Variants in CCSER2 observed in about 807,000 individuals in gnomAD.
CCSER2 encodes the protein serine-rich coiled-coil domain-containing protein 2.
A neutral mutation model predicts 92.3 loss-of-function variants in CCSER2; 46 were observed. That is an observed-to-expected ratio of 0.50 (90% CI 0.39 to 0.64). CCSER2 has a LOEUF of 0.64. Among genes scored for constraint, CCSER2 ranks in the 30% least tolerant of loss-of-function variants. The pLI is 0.00. For missense variants in CCSER2, 1,244 were observed against 1,238.9 expected (o/e 1.00, Z -0.06); for synonymous variants, 433 against 431.4 (o/e 1.00, Z -0.04).
chr10:84,491,082 C>T (rs775118481), intron 9 of CCSER2, among the ~76,000 whole-genome samples: 17 of 152,224 alleles, frequency 1.1e-4, no homozygotes, highest in African/African-American at 3.1e-4. Context: ...AATGTTTCTG[C>T]CTGATCATTC....
chr10:84,383,179 C>T (rs1163564482), intron 3 of CCSER2, among the ~76,000 whole-genome samples: 1 of 152,112 alleles, frequency 6.6e-6, no homozygotes, highest in Non-Finnish European at 1.5e-5. Context: ...ATTTGCCTTA[C>T]TTGGTTTTGA....
intron 3 of CCSER2, among the ~76,000 whole-genome samples, chr10:84,386,963 T>G (rs1841246514): frequency 6.6e-6 from 1 of 151,830 alleles, no homozygotes; most frequent in South Asian, 2.1e-4. Flanking sequence ...GGGATAAGAG[T>G]TGAAAAATTA....
At chr10:84,389,050 A>G (rs538566561) in intron 3 of CCSER2, 12 of 255,756 alleles carry the variant, frequency 4.7e-5, no homozygotes, top group South Asian at 4.5e-4. Context: ...TGAATGCATT[A>G]CTACCACCAA....
At chr10:84,391,580 T>A in intron 3 of CCSER2, 1 of 1,511,794 alleles carries the variant, frequency 6.6e-7, no homozygotes, top group Non-Finnish European at 9.2e-7. Flanking sequence ...TGGAGAAATC[T>A]CCATTCAAAT....
At chr10:84,449,405 G>A (rs1845131195) in intron 6 of CCSER2, among the ~76,000 whole-genome samples, 1 of 151,816 alleles carries the variant, frequency 6.6e-6, no homozygotes, top group African/African-American at 2.4e-5. Flanking sequence ...CAATTCCAAG[G>A]TGGAGTTTTG....
chr10:84,483,393 CAA>C (rs768732138), intron 9 of CCSER2, among the ~76,000 whole-genome samples: 31 of 74,352 alleles, frequency 4.2e-4, no homozygotes, highest in Non-Finnish European at 4.9e-4. Context: ...AACTCTGTCT[CAA>C]AAAAAAAAAA....
At position 84,370,756 on chromosome 10, in the gene CCSER2, T is replaced by C. The variant is rs1488730750; in HGVS notation, c.-39-258T>C. Among the ~76,000 whole-genome samples the C allele has an allele frequency of 2.0e-5, 3 of 152,234 alleles. No individual in the cohort carries two copies. In the East Asian group the frequency reaches 5.8e-4, roughly 29 times the overall value. Reference sequence around the variant, plus strand: ...TTATTTTTTACATAGTCAAATTTGGTGGTTTAATTTTATTTCTAGATTTTG... The same window carrying C: ...TTATTTTTTACATAGTCAAATTTGGCGGTTTAATTTTATTTCTAGATTTTG... On this transcript the variant is annotated intron_variant, in intron 1 of 9. Coordinates refer to ENST00000372088, the MANE Select transcript of CCSER2 (RefSeq NM_001284240.2).
intron 1 of CCSER2, among the ~76,000 whole-genome samples, chr10:84,368,427 T>C (rs1392455665): frequency 1.3e-5 from 2 of 152,060 alleles, no homozygotes; most frequent in African/African-American, 4.8e-5. Context: ...TATCTCTTAG[T>C]TGTTGGTAAC....
chr10:84,384,146 TAAA>T (rs1841062904), intron 3 of CCSER2, among the ~76,000 whole-genome samples: 1 of 151,814 alleles, frequency 6.6e-6, no homozygotes, highest in Non-Finnish European at 1.5e-5. Flanking sequence ...AACTACCAAC[TAAA>T]AAAAGCCCAG....
At position 84,424,916 on chromosome 10, in the gene CCSER2, G is replaced by A. The variant is rs527805521; in HGVS notation, c.1706-815G>A. The A allele has an allele frequency of 1.8e-5, 16 of 865,072 alleles. No homozygotes were observed. The East Asian group carries it at 6.0e-4, about 33-fold the overall frequency. 53.6% of individuals were successfully genotyped at this position (865,072 alleles called of 1,614,324 possible). On this transcript the variant is annotated intron_variant, in intron 4 of 9. Coordinates refer to ENST00000372088, the MANE Select transcript of CCSER2 (RefSeq NM_001284240.2). ...TCCCACAGGGAGGGCTGGGTTTTGA[G>A]CAGGAAGGAAGGCCTGTTCAGCAGT...
At position 84,515,356 on chromosome 10, in the gene CCSER2, A is replaced by T. The variant is rs891410407; in HGVS notation, c.*1089A>T. 2.4e-4 allele frequency: 36 copies of T among 152,530 alleles called. No individual in the cohort carries two copies. The highest frequency in any genetic ancestry group is 8.4e-4 in the African/African-American group (35 of 41,430). 9.4% of individuals were successfully genotyped at this position (152,530 alleles called of 1,614,324 possible). ...GAGAAAAATAACAAATTTAAATAAGACTATCTTGAGAAAGCTGGAGTTCAT... is the reference window on the plus strand; with the variant it reads ...GAGAAAAATAACAAATTTAAATAAGTCTATCTTGAGAAAGCTGGAGTTCAT... On this transcript the variant is annotated 3_prime_UTR_variant, in exon 10 of 10. Transcript: ENST00000372088.
chr10:84,427,185 G>A (rs964212562), intron 5 of CCSER2, among the ~76,000 whole-genome samples: 1 of 152,144 alleles, frequency 6.6e-6, no homozygotes, highest in Non-Finnish European at 1.5e-5. Flanking sequence ...ATTCTTAGGG[G>A]TTGCTAATTT....
chr10:84,484,016 G>A (rs1847650363), intron 9 of CCSER2, among the ~76,000 whole-genome samples: 2 of 122,032 alleles, frequency 1.6e-5, no homozygotes, highest in Admixed American at 1.8e-4. Context: ...TTTTTTTTGA[G>A]ACGGAGTCTC....
intron 1 of CCSER2, among the ~76,000 whole-genome samples, chr10:84,330,031 A>T (rs1237502161): frequency 2.0e-5 from 3 of 152,248 alleles, no homozygotes. Context: ...TCCTGAAAGC[A>T]AGCCGAAAGT....
chr10:84,425,286 A>T, intron 4 of CCSER2: 2 of 394,530 alleles, frequency 5.1e-6, no homozygotes, highest in Non-Finnish European at 6.9e-6. Flanking sequence ...GTGCTTCTTG[A>T]GATCAGTGAA....
chr10:84,355,368 T>C (rs899838508), intron 1 of CCSER2, among the ~76,000 whole-genome samples: 1 of 152,212 alleles, frequency 6.6e-6, no homozygotes, highest in African/African-American at 2.4e-5. Flanking sequence ...TATGTTTTTG[T>C]TTATGCTCTT....
intron 3 of CCSER2, among the ~76,000 whole-genome samples, chr10:84,376,951 A>G (rs1453033484): frequency 1.3e-5 from 2 of 152,150 alleles, no homozygotes; most frequent in South Asian, 2.1e-4. Context: ...GCACCTTCAC[A>G]TATGTTTATT....
At chr10:84,357,734 G>A (rs1014588528) in intron 1 of CCSER2, among the ~76,000 whole-genome samples, 4 of 152,306 alleles carry the variant, frequency 2.6e-5, no homozygotes, top group Non-Finnish European at 5.9e-5. Context: ...ACAGGCGTGA[G>A]CCACCGCGCT....
intron 9 of CCSER2, among the ~76,000 whole-genome samples, chr10:84,502,265 G>A (rs1039815990): frequency 6.6e-6 from 1 of 151,472 alleles, no homozygotes; most frequent in Non-Finnish European, 1.5e-5. Flanking sequence ...TAATCAATAT[G>A]TGGGTCCTAG....
Sources: allele counts gnomAD v4.1 joint callset (sites outside exome capture counted in the v4.1 genomes callset), GRCh38; gene constraint gnomAD v4.1.1; transcripts MANE v1.5; gene names NCBI Gene and HGNC (gene_info 2026-07-23, HGNC 2026-07-21).